The following POLL variants were observed in gnomAD, a reference collection of about 807,000 sequenced individuals.
The protein encoded by POLL is DNA polymerase beta-2.
In POLL, 44 loss-of-function variants were observed where a neutral mutation model predicts 58.1. The ratio of observed to expected loss-of-function variants is 0.76; its 90% CI spans 0.60 to 0.97. The LOEUF (loss-of-function observed/expected upper bound fraction) is 0.97. Among genes scored for constraint, POLL ranks in the 50% least tolerant of loss-of-function variants. The probability of loss-of-function intolerance (pLI) is 0.00; values close to 1 mark genes in which losing one functional copy is unlikely to be tolerated. For missense variants in POLL, 632 were observed against 736.8 expected (o/e 0.86, Z 1.65); for synonymous variants, 290 against 283.2 (o/e 1.02, Z -0.24).
chr10:101,585,795 A>G lies in POLL; in HGVS notation c.410+67T>C, dbSNP rs1033369643. The G allele has an allele frequency of 1.4e-5, 18 of 1,331,996 alleles. No individual in the cohort carries two copies. The Middle Eastern group carries it at 1.0e-3, about 77-fold the overall frequency. The allele number at this position is 1,331,996 out of a possible 1,614,324, so 82.5% of individuals were successfully genotyped here. A position where few individuals can be genotyped will look rare whatever the true frequency, so the allele number is the denominator to read the frequency against. Reference sequence around the variant, plus strand: ...TTTTAATTAATGATAGTTATTTTTAATAATTCAAGAAAAGAGCTCAAGATG... The same window carrying G: ...TTTTAATTAATGATAGTTATTTTTAGTAATTCAAGAAAAGAGCTCAAGATG... On this transcript the variant is annotated intron_variant, in intron 3 of 8. Transcript: ENST00000370162.
At position 101,579,318 on chromosome 10, in the gene POLL, G is replaced by T; in HGVS notation, c.*135C>A. On this transcript the variant is annotated 3_prime_UTR_variant, in exon 9 of 9. Transcript: ENST00000370162. This position sits in a 1 kb window ranked among gnomAD's most constrained non-coding sequence, Gnocchi z 4.4. ...GGCTGGCTCTTGCTTCAGGCCCAGAGCCCTGGGCCCTGCTCGCTGAGGAAG... is the reference window on the plus strand; with the variant it reads ...GGCTGGCTCTTGCTTCAGGCCCAGATCCCTGGGCCCTGCTCGCTGAGGAAG... 1 of 1,061,296 alleles carries T rather than the reference G, an allele frequency of 9.4e-7. No individual in the cohort carries two copies. The highest frequency in any genetic ancestry group is 1.3e-6 in the Non-Finnish European group (1 of 743,504). The allele number at this position is 1,061,296 out of a possible 1,614,324, so 65.7% of individuals were successfully genotyped here. A position where few individuals can be genotyped will look rare whatever the true frequency, so the allele number is the denominator to read the frequency against.
Position 101,579,069 on chromosome 10 carries a change from C to T in POLL, c.*384G>A. On this transcript the variant is annotated 3_prime_UTR_variant, in exon 9 of 9. Coordinates refer to ENST00000370162, the MANE Select transcript of POLL (RefSeq NM_001174084.2). This position sits in a 1 kb window ranked among gnomAD's most constrained non-coding sequence, Gnocchi z 4.4. ...ATGTTGACAGCACGGCTGCTTCCCT[C>T]TCCCCTGCAGCTTCTGTCCCCACCC... 2 of 251,302 alleles carry T rather than the reference C, an allele frequency of 8.0e-6. No homozygotes were observed. The highest frequency in any genetic ancestry group is 1.3e-4 in the South Asian group (2 of 15,454). 15.6% of individuals were successfully genotyped at this position (251,302 alleles called of 1,614,324 possible). A position where few individuals can be genotyped will look rare whatever the true frequency, so the allele number is the denominator to read the frequency against.
At chr10:101,584,492 T>C (rs1370988860) in intron 5 of POLL, 110 bp downstream of exon 5, 1 of 651,908 alleles carries the variant, frequency 1.5e-6, no homozygotes, top group Non-Finnish European at 2.3e-6. Flanking sequence ...TTTTTTTCTT[T>C]TGTGCAAGTC....
chr10:101,585,665 C>A (rs954446312), intron 3 of POLL, among the ~76,000 whole-genome samples, 187 bp from the exon 4 acceptor site: 2 of 152,004 alleles, frequency 1.3e-5, no homozygotes, highest in Non-Finnish European at 2.9e-5. Flanking sequence ...TACAGTGGTA[C>A]GATCAAGGCT....
Position 101,580,487 on chromosome 10 carries a change from C to T in POLL, c.1195-71G>A. 7.1e-7 allele frequency: 1 copy of T among 1,404,788 alleles called. No homozygotes were observed. The highest frequency in any genetic ancestry group is 2.1e-4 in the Middle Eastern group (1 of 4,714). The allele number at this position is 1,404,788 out of a possible 1,614,324, so 87.0% of individuals were successfully genotyped here. ...TCCTCTCCCACAGCAGTACAAGGGCCTTCCCAGACTCGGGCCCACACCCTC... is the reference window on the plus strand; with the variant it reads ...TCCTCTCCCACAGCAGTACAAGGGCTTTCCCAGACTCGGGCCCACACCCTC... On this transcript the variant is annotated intron_variant, in intron 7 of 8. Transcript: ENST00000370162. This position sits in a 1 kb window ranked among gnomAD's most constrained non-coding sequence, Gnocchi z 4.1.
In POLL at chr10:101,587,935, G is replaced by A; in HGVS notation, c.-160C>T. The A allele has an allele frequency of 8.1e-7, 1 of 1,233,584 alleles. No individual in the cohort carries two copies. Among genetic ancestry groups the A allele is most frequent in the Non-Finnish European group, 1.0e-6 (1 of 961,754 alleles). The allele number at this position is 1,233,584 out of a possible 1,614,324, so 76.4% of individuals were successfully genotyped here. A position where few individuals can be genotyped will look rare whatever the true frequency, so the allele number is the denominator to read the frequency against. On this transcript the variant is annotated 5_prime_UTR_variant, in exon 1 of 9. Coordinates refer to ENST00000370162, the MANE Select transcript of POLL (RefSeq NM_001174084.2). ...TGGGGGTGCTCAGCGCCGCAGCTGCGGGGAGATGGGGCACGGCCGCAGCAG... is the reference window on the plus strand; with the variant it reads ...TGGGGGTGCTCAGCGCCGCAGCTGCAGGGAGATGGGGCACGGCCGCAGCAG...
chr10:101,585,069 C>T (rs2063229150), intron 4 of POLL, 150 bp from the exon 5 acceptor site: 1 of 673,430 alleles, frequency 1.5e-6, no homozygotes, highest in African/African-American at 1.8e-5. Flanking sequence ...ACTTGGATCT[C>T]CTTGGGTGTG....
intron 6 of POLL, chr10:101,583,121 C>T (rs2063096907): frequency 1.6e-6 from 1 of 625,426 alleles, no homozygotes. Context: ...GTTCATGATT[C>T]CATCAGTCTG....
At chr10:101,587,183 G>A in intron 2 of POLL, 63 bp downstream of exon 2, 1 of 1,613,132 alleles carries the variant, frequency 6.2e-7, no homozygotes, top group Non-Finnish European at 8.5e-7. Flanking sequence ...AACAACGTAG[G>A]GCTGAAGCAC....
chr10:101,586,047 G>A lies in POLL; in HGVS notation c.225C>T (p.Ala75=), dbSNP rs751044136. 1.2e-5 allele frequency: 19 copies of A among 1,613,962 alleles called. No homozygotes were observed. The highest frequency in any genetic ancestry group is 1.6e-4 in the Middle Eastern group (1 of 6,084). Residue 75 remains alanine (A), a synonymous_variant, in exon 3 of 9, where the codon GCC becomes GCT. Transcript: ENST00000370162. Reference sequence around the variant, plus strand: ...CAATGTGAGTGACACCTGGGCCCTGGGCAGGGCATAGCTGGCCGCCATGCT... The same window carrying A: ...CAATGTGAGTGACACCTGGGCCCTGAGCAGGGCATAGCTGGCCGCCATGCT... ...IVQHGGQLCP[A]QGPGVTHIVV...
At position 101,580,288 on chromosome 10, in the gene POLL, C is replaced by A. The variant is rs1412522035; in HGVS notation, c.1323G>T (p.Arg441=). The A allele has an allele frequency of 6.2e-7, 1 of 1,614,020 alleles. No individual in the cohort carries two copies. The highest frequency in any genetic ancestry group is 2.2e-5 in the East Asian group (1 of 44,874). ...LITHPDGRSH[R]GIFSRLLDSL... The stretch of plus-strand genomic sequence containing the variant: ...TGTCAAGGAGGCGGCTGAAGATACC[C>A]CGGTGGGACCGGCCATCTGGGTGAG... Residue 441 remains arginine (R), a synonymous_variant, in exon 8 of 9, where the codon CGG becomes CGT. Transcript: ENST00000370162. This position sits in a 1 kb window ranked among gnomAD's most constrained non-coding sequence, Gnocchi z 4.1.
rs927499734 is a variant in POLL at position 101,583,452 on chromosome 10, G to A, written c.1065+56C>T. The A allele has an allele frequency of 3.9e-5, 61 of 1,580,158 alleles. No homozygotes were observed. In the Admixed American group the frequency reaches 9.4e-4, roughly 24 times the overall value. ...TGGGGCAGAGCACAGCACACATCTG[G>A]GGCAGGAACTCTGAGACACAGCAAA... On this transcript the variant is annotated intron_variant, in intron 6 of 8. Transcript: ENST00000370162.
At position 101,580,785 on chromosome 10, in the gene POLL, G is replaced by C; in HGVS notation, c.1195-369C>G. The C allele has an allele frequency of 5.4e-6, 1 of 184,754 alleles. No homozygotes were observed. The allele number at this position is 184,754 out of a possible 1,614,324, so 11.4% of individuals were successfully genotyped here. A position where few individuals can be genotyped will look rare whatever the true frequency, so the allele number is the denominator to read the frequency against. On this transcript the variant is annotated intron_variant, in intron 7 of 8. Transcript: ENST00000370162. The surrounding 1 kb of genome is among the most constrained non-coding windows in gnomAD (Gnocchi z 4.1). The stretch of plus-strand genomic sequence containing the variant: ...CTGTGAAACTCCACTTAGGACAAGG[G>C]GCCAGGTGCTGAAAGCCCTCAGCCA...
chr10:101,587,009 C>T, intron 2 of POLL: 2 of 686,774 alleles, frequency 2.9e-6, no homozygotes, highest in Non-Finnish European at 4.9e-6. Flanking sequence ...CCCTGAGGGC[C>T]CAGGGAGTCT....
At chr10:101,586,260 A>C in intron 2 of POLL, 104 bp from the exon 3 acceptor site, 1 of 962,252 alleles carries the variant, frequency 1.0e-6, no homozygotes. Context: ...TGACGTGTTC[A>C]CAGTCCCCTA....
intron 2 of POLL, 98 bp from the exon 3 acceptor site, chr10:101,586,254 G>T: frequency 9.7e-7 from 1 of 1,034,158 alleles, no homozygotes; most frequent in South Asian, 1.5e-5. Flanking sequence ...TCTGAATGAC[G>T]TGTTCACAGT....
At position 101,587,906 on chromosome 10, in the gene POLL, G is replaced by A; in HGVS notation, c.-131C>T. 1 of 1,206,384 alleles carries A rather than the reference G, an allele frequency of 8.3e-7. No homozygotes were observed. Among genetic ancestry groups the A allele is most frequent in the Non-Finnish European group, 1.1e-6 (1 of 949,948 alleles). 74.7% of individuals were successfully genotyped at this position (1,206,384 alleles called of 1,614,324 possible). A position where few individuals can be genotyped will look rare whatever the true frequency, so the allele number is the denominator to read the frequency against. On this transcript the variant is annotated 5_prime_UTR_variant, in exon 1 of 9. Coordinates refer to ENST00000370162, the MANE Select transcript of POLL (RefSeq NM_001174084.2). ...GCACCTGTCCTGGTCTCAGCCTCTC[G>A]ACATGGGGGTGCTCAGCGCCGCAGC...
At position 101,579,479 on chromosome 10, in the gene POLL, G is replaced by T. The variant is rs540905898; in HGVS notation, c.1702C>A (p.Arg568=). The T allele has an allele frequency of 1.2e-6, 2 of 1,611,498 alleles. No homozygotes were observed. Among genetic ancestry groups the T allele is most frequent in the Admixed American group, 1.7e-5 (1 of 59,858 alleles). The change falls in exon 9 of 9, where the codon CGA becomes AGA. Residue 568 remains arginine, a synonymous_variant. Coordinates refer to ENST00000370162, the MANE Select transcript of POLL (RefSeq NM_001174084.2). This position sits in a 1 kb window ranked among gnomAD's most constrained non-coding sequence, Gnocchi z 4.4. ...DVFRLLGLPY[R]EPAERDW is the part of the protein sequence containing the mutation. The stretch of plus-strand genomic sequence containing the variant: ...CACCAGTCCCGCTCAGCAGGTTCTC[G>T]GTAGGGGAGGCCTAAGAGCCTGAAG...
At position 101,588,070 on chromosome 10, in the gene POLL, C is replaced by G. The variant is rs1045520867; in HGVS notation, c.-295G>C. On this transcript the variant is annotated 5_prime_UTR_variant, in exon 1 of 9. Transcript: ENST00000370162. ...GCTGGCGCAGGCCAGGGAATCCCAG[C>G]TCGGGGCTAGAAGAAAGCTGGAGTG... The G allele has an allele frequency of 2.0e-6, 3 of 1,465,048 alleles. No homozygotes were observed. The highest frequency in any genetic ancestry group is 2.7e-6 in the Non-Finnish European group (3 of 1,102,120). 90.8% of individuals were successfully genotyped at this position (1,465,048 alleles called of 1,614,324 possible).
Sources: allele counts gnomAD v4.1 joint callset (sites outside exome capture counted in the v4.1 genomes callset), GRCh38; gene constraint gnomAD v4.1.1; non-coding constraint Gnocchi (gnomAD v3.1); transcripts MANE v1.5; gene names NCBI Gene and HGNC (gene_info 2026-07-23, HGNC 2026-07-21).